Variants in SYNE1 observed in about 807,000 individuals in gnomAD.
SYNE1 encodes nesprin-1.
Under a neutral mutation model 1,111.0 loss-of-function variants are expected in SYNE1, and 616 were observed. The ratio of observed to expected loss-of-function variants is 0.55; its 90% confidence interval spans 0.52 to 0.59. SYNE1 has a LOEUF of 0.59. Among genes scored for constraint, SYNE1 ranks in the 20% least tolerant of loss-of-function variants. The pLI is 0.00. For missense variants in SYNE1, 10,006 were observed against 10,417.0 expected, an observed-to-expected ratio of 0.96 and a Z score of 1.72; for synonymous variants, 3,855 against 3,825.8, an observed-to-expected ratio of 1.01 and a Z score of -0.28.
chr6:152,252,396 A>G (rs1382891299), intron 104 of SYNE1, among the ~76,000 whole-genome samples: 1 of 152,210 alleles, frequency 6.6e-6, no homozygotes, highest in Non-Finnish European at 1.5e-5. Context: ...TTTACAATAC[A>G]CAATTATATG....
At chr6:152,589,233 T>C (rs2099550387) in intron 3 of SYNE1, among the ~76,000 whole-genome samples, 1 of 152,160 alleles carries the variant, frequency 6.6e-6, no homozygotes, top group South Asian at 2.1e-4. Flanking sequence ...TCCTTCCTTT[T>C]AGTGGCGATA....
chr6:152,361,321 G>A (rs1193118260), intron 64 of SYNE1, among the ~76,000 whole-genome samples: 1 of 152,172 alleles, frequency 6.6e-6, no homozygotes, highest in African/African-American at 2.4e-5. Flanking sequence ...AGCTTATCCT[G>A]TAGACAATGG....
intron 91 of SYNE1, among the ~76,000 whole-genome samples, chr6:152,307,497 GT>G (rs1222116588): frequency 6.6e-6 from 1 of 152,130 alleles, no homozygotes; most frequent in Non-Finnish European, 1.5e-5. Context: ...CCTTCTCCCA[GT>G]TATTTACCAA....
At chr6:152,246,286 A>C (rs1351735091) in intron 105 of SYNE1, among the ~76,000 whole-genome samples, 2 of 152,188 alleles carry the variant, frequency 1.3e-5, no homozygotes, top group Non-Finnish European at 2.9e-5. Context: ...GAAGCAAACA[A>C]ATAAAAGCAA....
rs1205726389 is a variant in SYNE1 at position 152,143,838 on chromosome 6, A to G, written c.24977-73T>C. ...ATTTAAAGCTTGATATTCAAGGAGA[A>G]GTTTCAGAAATGATTTCAGTTACAG... On this transcript the variant is annotated intron_variant, in intron 137 of 145. Coordinates refer to ENST00000367255, the MANE Select transcript of SYNE1 (RefSeq NM_182961.4). 4 of 1,606,086 alleles carry G rather than the reference A, an allele frequency of 2.5e-6. No individual in the cohort carries two copies. The African/African-American group carries it at 5.4e-5, about 21-fold the overall frequency.
chr6:152,573,982 A>G (rs1007091397), intron 3 of SYNE1, among the ~76,000 whole-genome samples: 2 of 152,036 alleles, frequency 1.3e-5, no homozygotes, highest in Non-Finnish European at 2.9e-5. Context: ...GGGAAGCAAA[A>G]ACATTAGAGA....
intron 3 of SYNE1, among the ~76,000 whole-genome samples, chr6:152,603,512 G>T (rs1299428558): frequency 2.0e-5 from 3 of 152,084 alleles, no homozygotes; most frequent in Non-Finnish European, 4.4e-5. Flanking sequence ...TCCCATGCAA[G>T]TTGGGGGATG....
At chr6:152,427,851 A>G (rs779705916) in intron 37 of SYNE1, 35 bp from the exon 38 acceptor site, 1 of 1,613,664 alleles carries the variant, frequency 6.2e-7, no homozygotes, top group Admixed American at 1.7e-5. Flanking sequence ...AAATTTATTG[A>G]AAATTATCAT....
chr6:152,207,923 G>A (rs769086639), intron 125 of SYNE1, 49 bp downstream of exon 125: 1 of 1,588,440 alleles, frequency 6.3e-7, no homozygotes, highest in South Asian at 1.1e-5. Context: ...GGTAAAGTGT[G>A]CGGTGGAAAT....
Position 152,392,262 on chromosome 6 carries a change from C to CA in SYNE1, c.7713-695dup, listed in dbSNP as rs889699649. 3.8e-3 allele frequency among the ~76,000 whole-genome samples: 564 copies of CA among 147,718 alleles called. 1 individual carries two copies. Among genetic ancestry groups the CA allele is most frequent in the African/African-American group, 0.01 (422 of 40,388 alleles). On this transcript the variant is annotated intron_variant, in intron 51 of 145. Coordinates refer to ENST00000367255, the MANE Select transcript of SYNE1 (RefSeq NM_182961.4). The stretch of plus-strand genomic sequence containing the variant: ...CACAATATTGTGCAGAGACTAAGTG[C>CA]AAAAAAAAAATGTTCTTTCGAAAAG...
rs769943207 is a variant in SYNE1, at chr6:152,242,307, A to G, written c.19826T>C (p.Met6609Thr). ...ADLLETGQEK[M>T]AGDQKIIVSS... ...CACGATGATTTTCTGGTCTCCTGCC[A>G]TCTTCTCCTGACCAGTTTCTAGCAG... Residue 6609 changes from methionine (M) to threonine (T), a missense_variant, in exon 107 of 146, where the codon ATG becomes ACG. By Grantham distance (81) the Met-to-Thr change is moderately conservative (BLOSUM62 -1). Coordinates refer to ENST00000367255, the MANE Select transcript of SYNE1 (RefSeq NM_182961.4). 8.7e-6 allele frequency: 14 copies of G among 1,614,042 alleles called. No homozygotes were observed. The highest frequency in any genetic ancestry group is 1.2e-5 in the Non-Finnish European group (14 of 1,180,010).
chr6:152,476,452 G>A (rs1032782548), intron 14 of SYNE1, among the ~76,000 whole-genome samples: 47 of 152,062 alleles, frequency 3.1e-4, no homozygotes, highest in Non-Finnish European at 7.3e-5. Flanking sequence ...CATCTCTACA[G>A]CTACTTCCCT....
chr6:152,219,507 AC>A (rs200787989), intron 119 of SYNE1, among the ~76,000 whole-genome samples: 4 of 151,656 alleles, frequency 2.6e-5, no homozygotes, highest in South Asian at 2.1e-4. Flanking sequence ...AAAAAAAAAA[AC>A]AAACATGACC....
At position 152,171,898 on chromosome 6, in the gene SYNE1, T is replaced by C. The variant is rs189758557; in HGVS notation, c.23627+4496A>G. On this transcript the variant is annotated intron_variant, in intron 130 of 145. Transcript: ENST00000367255. Reference sequence around the variant, plus strand: ...GGCCCACAAAACTAAAAATATTTACTATCTGGTCCTCTACAGAAAACATTT... The same window carrying C: ...GGCCCACAAAACTAAAAATATTTACCATCTGGTCCTCTACAGAAAACATTT... 4.2e-3 allele frequency among the ~76,000 whole-genome samples: 646 copies of C among 152,354 alleles called. 4 individuals carry two copies. Among genetic ancestry groups the C allele is most frequent in the Non-Finnish European group, 7.5e-3 (512 of 68,032 alleles).
chr6:152,302,081 C>G lies in SYNE1; in HGVS notation c.17347-18G>C. ...GCCAGCTCCTGAGGAAACATTTCCC[C>G]CACCGGGGTGTCAGAGCAGCATCAA... On this transcript the variant is annotated intron_variant, in intron 91 of 145. Transcript: ENST00000367255. 1 of 1,614,196 alleles carries G rather than the reference C, an allele frequency of 6.2e-7. No individual in the cohort carries two copies. Among genetic ancestry groups the G allele is most frequent in the Middle Eastern group, 1.6e-4 (1 of 6,062 alleles).
At chr6:152,621,687 A>G (rs2099675846) in intron 3 of SYNE1, among the ~76,000 whole-genome samples, 2 of 152,220 alleles carry the variant, frequency 1.3e-5, no homozygotes, top group African/African-American at 2.4e-5. Context: ...ATGAAGCGCG[A>G]TGGATGAAAT....
chr6:152,565,666 GT>G (rs940263938), intron 3 of SYNE1, among the ~76,000 whole-genome samples: 2 of 143,708 alleles, frequency 1.4e-5, no homozygotes, highest in Non-Finnish European at 3.0e-5. Flanking sequence ...CCCTGCTGAA[GT>G]TTAAAAAAAA....
chr6:152,130,012 T>C (rs143562329), intron 145 of SYNE1, among the ~76,000 whole-genome samples: 2 of 148,862 alleles, frequency 1.3e-5, no homozygotes, highest in East Asian at 2.0e-4. Context: ...ACTGCGGGAG[T>C]GAGGGGCTGC....
chr6:152,264,576 C>T (rs1174207705), intron 100 of SYNE1, among the ~76,000 whole-genome samples: 1 of 152,066 alleles, frequency 6.6e-6, no homozygotes, highest in Non-Finnish European at 1.5e-5. Flanking sequence ...GCAAGAGGAT[C>T]ACTTGAGCCC....
Sources: gnomAD v4.1 joint callset for allele counts (sites outside exome capture counted in the v4.1 genomes callset) on GRCh38, gnomAD v4.1.1 for gene constraint, MANE v1.5 for transcripts, NCBI Gene and HGNC (gene_info 2026-07-23, HGNC 2026-07-21) for gene names.